The following SEMA5A variants were observed in gnomAD, a reference collection of about 807,000 sequenced individuals.
The protein encoded by SEMA5A is semaphorin-5A.
Under a neutral mutation model 135.5 loss-of-function variants are expected in SEMA5A, and 55 were observed. That is an observed-to-expected ratio of 0.41 (90% CI 0.33 to 0.51). The LOEUF (loss-of-function observed/expected upper bound fraction) is 0.51. Among genes scored for constraint, SEMA5A ranks in the 20% least tolerant of loss-of-function variants. SEMA5A has a pLI of 0.37. For missense variants in SEMA5A, 1,290 were observed against 1,419.9 expected (o/e 0.91, Z 1.47); for synonymous variants, 580 against 546.5 (o/e 1.06, Z -0.85).
At chr5:9,112,584 G>T (rs1740299686) in intron 15 of SEMA5A, among the ~76,000 whole-genome samples, 1 of 152,172 alleles carries the variant, frequency 6.6e-6, no homozygotes, top group Non-Finnish European at 1.5e-5. Flanking sequence ...AATAACTTGT[G>T]AAGAACATCA....
At chr5:9,355,880 G>T (rs1754419795) in intron 3 of SEMA5A, among the ~76,000 whole-genome samples, 1 of 152,204 alleles carries the variant, frequency 6.6e-6, no homozygotes, top group East Asian at 1.9e-4. Flanking sequence ...CCCTGCATTA[G>T]GAGGGTCATC....
intron 18 of SEMA5A, among the ~76,000 whole-genome samples, chr5:9,061,292 T>C (rs1554022158): frequency 6.6e-6 from 1 of 152,170 alleles, no homozygotes; most frequent in Non-Finnish European, 1.5e-5. Context: ...AGAAATGACA[T>C]GAATGAAGAA....
chr5:9,211,314 C>G (rs995460011), intron 8 of SEMA5A, among the ~76,000 whole-genome samples: 2 of 152,062 alleles, frequency 1.3e-5, no homozygotes, highest in Non-Finnish European at 2.9e-5. Flanking sequence ...TGATTCTATT[C>G]TGGCTTTACA....
chr5:9,417,351 C>T (rs532133562), intron 2 of SEMA5A, among the ~76,000 whole-genome samples: 7 of 152,324 alleles, frequency 4.6e-5, no homozygotes, highest in South Asian at 2.1e-4. Flanking sequence ...ACCATATTTA[C>T]GTGTGCACAT....
intron 5 of SEMA5A, among the ~76,000 whole-genome samples, chr5:9,296,566 T>C (rs1751342691): frequency 6.6e-6 from 1 of 152,162 alleles, no homozygotes; most frequent in African/African-American, 2.4e-5. Context: ...TCAAATCTTA[T>C]AATGCCAAAA....
Position 9,379,808 on chromosome 5 carries a change from G to C in SEMA5A, c.124+15C>G, listed in dbSNP as rs777869485. The C allele has an allele frequency of 1.2e-5, 20 of 1,612,836 alleles. No individual in the cohort carries two copies. The highest frequency in any genetic ancestry group is 1.7e-5 in the Non-Finnish European group (20 of 1,179,576). ...TAGATGACGGCTTTGCAATCAGTGC[G>C]TGCTGGTTCCTTACCTTTATAGGAG... On this transcript the variant is annotated intron_variant, in intron 3 of 22. Transcript: ENST00000382496.
chr5:9,151,540 T>TA lies in SEMA5A; in HGVS notation c.1481+2947dup, dbSNP rs548139066. 6.4e-3 allele frequency among the ~76,000 whole-genome samples: 982 copies of TA among 152,328 alleles called. 5 individuals are homozygous for TA. The highest frequency in any genetic ancestry group is 9.6e-3 in the Non-Finnish European group (651 of 68,018). ...CCCCACAATTTTTCCTTATAATTTA[T>TA]AAAAAATGTTTGTGCAGTTATTTTT... On this transcript the variant is annotated intron_variant, in intron 12 of 22. Coordinates refer to ENST00000382496, the MANE Select transcript of SEMA5A (RefSeq NM_003966.3).
chr5:9,308,032 T>A (rs1004835873), intron 5 of SEMA5A, among the ~76,000 whole-genome samples: 1 of 152,226 alleles, frequency 6.6e-6, no homozygotes, highest in Admixed American at 6.5e-5. Flanking sequence ...TAATAAAGTA[T>A]GTACTTTTTT....
Position 9,436,011 on chromosome 5 carries a change from C to G in SEMA5A, c.-78+1745G>C, listed in dbSNP as rs150649287. 4.4e-3 allele frequency among the ~76,000 whole-genome samples: 675 copies of G among 152,280 alleles called. 7 individuals are homozygous for G. The highest frequency in any genetic ancestry group is 0.015 in the African/African-American group (634 of 41,558). On this transcript the variant is annotated intron_variant, in intron 2 of 22. Coordinates refer to ENST00000382496, the MANE Select transcript of SEMA5A (RefSeq NM_003966.3). Reference sequence around the variant, plus strand: ...ATGGTTAGTGCTAAAAGGCAGTTTTCTGTAAAGGTTAAGAAGATAGAATCA... The same window carrying G: ...ATGGTTAGTGCTAAAAGGCAGTTTTGTGTAAAGGTTAAGAAGATAGAATCA...
At chr5:9,360,797 C>G (rs184072509) in intron 3 of SEMA5A, among the ~76,000 whole-genome samples, 96 of 152,260 alleles carry the variant, frequency 6.3e-4, no homozygotes, top group African/African-American at 2.2e-3. Context: ...GCAAGAAACA[C>G]AAACGATTCT....
intron 12 of SEMA5A, among the ~76,000 whole-genome samples, chr5:9,154,091 A>ATGTGTGTG (rs1314653012): frequency 1.9e-4 from 15 of 80,164 alleles, no homozygotes; most frequent in East Asian, 1.7e-3. Flanking sequence ...ATATATATAT[A>ATGTGTGTG]TATGTGTGTG....
intron 1 of SEMA5A, among the ~76,000 whole-genome samples, chr5:9,526,892 T>C (rs181051622): frequency 1.5e-3 from 224 of 152,348 alleles, no homozygotes; most frequent in African/African-American, 5.3e-3. Flanking sequence ...TAAAAGATGC[T>C]GGAGTTTTTA....
intron 6 of SEMA5A, among the ~76,000 whole-genome samples, chr5:9,237,487 T>C (rs748296325): frequency 4.6e-5 from 7 of 152,208 alleles, no homozygotes; most frequent in Non-Finnish European, 1.0e-4. Context: ...GATTTAGCTG[T>C]AAAGTAAGAA....
intron 6 of SEMA5A, among the ~76,000 whole-genome samples, chr5:9,228,876 C>A (rs528292743): frequency 6.6e-6 from 1 of 152,272 alleles, no homozygotes; most frequent in East Asian, 1.9e-4. Context: ...AAATGGACCC[C>A]CACTCTAGAT....
At chr5:9,312,097 C>T (rs571472733) in intron 5 of SEMA5A, among the ~76,000 whole-genome samples, 30 of 152,186 alleles carry the variant, frequency 2.0e-4, no homozygotes, top group Non-Finnish European at 2.9e-4. Flanking sequence ...CAGCCATCTG[C>T]GGTAGGATCC....
chr5:9,416,744 A>G (rs556627638), intron 2 of SEMA5A, among the ~76,000 whole-genome samples: 1 of 152,312 alleles, frequency 6.6e-6, no homozygotes, highest in Non-Finnish European at 1.5e-5. Context: ...TCCCCTCCTC[A>G]GGAACATTTG....
chr5:9,434,707 C>T (rs1319890644), intron 2 of SEMA5A, among the ~76,000 whole-genome samples: 1 of 152,032 alleles, frequency 6.6e-6, no homozygotes, highest in Non-Finnish European at 1.5e-5. Flanking sequence ...TTTTCCATTA[C>T]TTTTATGGTC....
chr5:9,443,244 G>T (rs1362211636), intron 1 of SEMA5A, among the ~76,000 whole-genome samples: 1 of 152,076 alleles, frequency 6.6e-6, no homozygotes, highest in Non-Finnish European at 1.5e-5. Context: ...TGTGGCTGGG[G>T]GTCCTTGGAA....
chr5:9,422,021 A>T (rs1004048803), intron 2 of SEMA5A, among the ~76,000 whole-genome samples: 6 of 152,248 alleles, frequency 3.9e-5, no homozygotes, highest in African/African-American at 1.4e-4. Flanking sequence ...ATTACAGTCT[A>T]TCCCTTAAGT....
Sources: gnomAD v4.1 joint callset for allele counts (sites outside exome capture counted in the v4.1 genomes callset) on GRCh38, gnomAD v4.1.1 for gene constraint, MANE v1.5 for transcripts, NCBI Gene and HGNC (gene_info 2026-07-23, HGNC 2026-07-21) for gene names.